AKAP9: variants seen among roughly 807,000 people sequenced by gnomAD.
AKAP9 encodes the protein A-kinase anchoring protein 9.
A neutral mutation model predicts 488.5 loss-of-function variants in AKAP9; 311 were observed. The ratio of observed to expected loss-of-function variants is 0.64; its 90% CI spans 0.58 to 0.70. The LOEUF is 0.70. AKAP9 is among the 30% of genes least tolerant of loss of function. The probability of loss-of-function intolerance (pLI) is 0.00; values close to 1 mark genes in which losing one functional copy is unlikely to be tolerated. For missense variants in AKAP9, 4,215 were observed against 4,374.5 expected (o/e 0.96, Z 1.03); for synonymous variants, 1,462 against 1,483.5 (o/e 0.99, Z 0.33).
intron 1 of AKAP9, among the ~76,000 whole-genome samples, chr7:91,954,463 G>A (rs932121562): frequency 1.6e-4 from 24 of 152,018 alleles, no homozygotes; most frequent in African/African-American, 5.3e-4. Flanking sequence ...TTTTATAGAG[G>A]CAGGGTCTCA....
At chr7:92,077,997 A>C in intron 30 of AKAP9, 122 bp downstream of exon 30, 1 of 649,304 alleles carries the variant, frequency 1.5e-6, no homozygotes, top group Non-Finnish European at 2.3e-6. Flanking sequence ...ATTTTATTTT[A>C]TTTTATTTAT....
At chr7:92,000,360 T>C (rs1432338735) in intron 7 of AKAP9, among the ~76,000 whole-genome samples, 1 of 152,184 alleles carries the variant, frequency 6.6e-6, no homozygotes. Context: ...GGAGTCTGTT[T>C]TTGTTGTTTT....
chr7:91,956,674 G>T (rs1386503264), intron 1 of AKAP9, among the ~76,000 whole-genome samples: 1 of 151,928 alleles, frequency 6.6e-6, no homozygotes, highest in Non-Finnish European at 1.5e-5. Flanking sequence ...CATTAACCCA[G>T]ATTGCTAATA....
chr7:91,989,348 A>C (rs1797491209), intron 3 of AKAP9, among the ~76,000 whole-genome samples: 1 of 152,186 alleles, frequency 6.6e-6, no homozygotes, highest in Admixed American at 6.5e-5. Context: ...GTATCCTATT[A>C]TGTACACTAG....
intron 36 of AKAP9, 42 bp from the exon 37 acceptor site, chr7:92,086,182 AACAT>A (rs1814526010): frequency 1.4e-6 from 2 of 1,481,254 alleles, no homozygotes; most frequent in Non-Finnish European, 1.9e-6. Context: ...ATGTTTTTAA[AACAT>A]GCTTATTTGA....
At chr7:92,036,551 A>G (rs1426962068) in intron 16 of AKAP9, among the ~76,000 whole-genome samples, 1 of 152,160 alleles carries the variant, frequency 6.6e-6, no homozygotes, top group African/African-American at 2.4e-5. Context: ...CTCAGCCATT[A>G]TCTCGTGAAA....
intron 40 of AKAP9, 68 bp downstream of exon 40, chr7:92,095,241 C>T: frequency 6.4e-7 from 1 of 1,571,294 alleles, no homozygotes; most frequent in Non-Finnish European, 8.7e-7. Context: ...TAAGGCTTTC[C>T]TCCATCTAAA....
chr7:92,058,249 G>A (rs1809154521), intron 22 of AKAP9: 1 of 589,406 alleles, frequency 1.7e-6, no homozygotes, highest in Middle Eastern at 2.9e-4. Context: ...ACATTTATGA[G>A]GTTGAATCTC....
At chr7:92,041,060 C>A in intron 18 of AKAP9, 162 bp downstream of exon 18, 1 of 631,476 alleles carries the variant, frequency 1.6e-6, no homozygotes, top group Non-Finnish European at 2.8e-6. Context: ...GCATCAGGAA[C>A]ACACTCTATA....
At chr7:92,032,330 C>G (rs1481415029) in intron 16 of AKAP9, among the ~76,000 whole-genome samples, 1 of 152,090 alleles carries the variant, frequency 6.6e-6, no homozygotes, top group South Asian at 2.1e-4. Flanking sequence ...AACCCTGGCT[C>G]TACTAAAAAT....
chr7:91,965,767 A>G (rs1038780077), intron 1 of AKAP9, among the ~76,000 whole-genome samples: 2 of 152,138 alleles, frequency 1.3e-5, no homozygotes, highest in African/African-American at 2.4e-5. Context: ...TTGATTTGCA[A>G]TTCTCTGATG....
chr7:91,994,583 TA>T lies in AKAP9; in HGVS notation c.577-30del, dbSNP rs558415055. On this transcript the variant is annotated intron_variant, in intron 5 of 49. Transcript: ENST00000356239. ...AAAGTTACCTGTAATAATAGTCAAT[TA>T]AAAAAAATAAATCTAGCACTTACTA... The T allele has an allele frequency of 1.0e-4, 159 of 1,538,790 alleles. No individual in the cohort carries two copies. The African/African-American group carries it at 1.2e-3, about 12-fold the overall frequency.
intron 30 of AKAP9, among the ~76,000 whole-genome samples, chr7:92,078,688 G>A (rs1347799728): frequency 6.6e-6 from 1 of 151,920 alleles, no homozygotes; most frequent in Non-Finnish European, 1.5e-5. Context: ...CTGTGACTTA[G>A]ATTTTATCAT....
At chr7:92,104,100 T>C (rs895543324) in intron 46 of AKAP9, among the ~76,000 whole-genome samples, 6 of 152,144 alleles carry the variant, frequency 3.9e-5, no homozygotes, top group African/African-American at 1.2e-4. Context: ...TCCCCCTCCC[T>C]TTTAGGAGGC....
chr7:92,089,520 C>A lies in AKAP9; in HGVS notation c.9349C>A (p.Pro3117Thr), dbSNP rs769119204. 82 of 1,613,242 alleles carry A rather than the reference C, an allele frequency of 5.1e-5. 2 individuals carry two copies. The Middle Eastern group carries it at 1.0e-3, about 20-fold the overall frequency. ...TLKREQESEK[P>T]SQELLEYNIQ... ...GAAAAGAGAACAAGAGAGTGAGAAA[C>A]CAAGCCAAGGTATGTTGTATGACAA... The change falls in exon 38 of 50, where the codon CCA becomes ACA. Residue 3117 changes from proline to threonine, a missense_variant. Pro to Thr is a conservative substitution (Grantham distance 38). Transcript: ENST00000356239.
rs1191155890 is a variant in AKAP9, at chr7:92,097,765, A to G, written c.10578A>G (p.Leu3526=). 2.5e-6 allele frequency: 4 copies of G among 1,614,078 alleles called. No individual in the cohort carries two copies. The highest frequency in any genetic ancestry group is 3.4e-6 in the Non-Finnish European group (4 of 1,180,026). Reference sequence around the variant, plus strand: ...AGCTTCAATGTGTAGCTTCAAAACTACAGGTTCTACCCCAGAAAGCCTCTG... The same window carrying G: ...AGCTTCAATGTGTAGCTTCAAAACTGCAGGTTCTACCCCAGAAAGCCTCTG... The part of the protein sequence containing the change: ...RQKLQCVASK[L]QVLPQKASER... The change falls in exon 42 of 50, where the codon CTA becomes CTG. Residue 3526 remains leucine (L), a synonymous_variant. Coordinates refer to ENST00000356239, the MANE Select transcript of AKAP9 (RefSeq NM_005751.5).
intron 22 of AKAP9, among the ~76,000 whole-genome samples, chr7:92,056,128 C>T (rs1214575042): frequency 2.0e-5 from 3 of 151,874 alleles, no homozygotes; most frequent in Non-Finnish European, 4.4e-5. Context: ...GCTGTTTGCC[C>T]TATTCTGAAT....
At chr7:92,010,285 A>AGATTG (rs1185149351) in intron 8 of AKAP9, among the ~76,000 whole-genome samples, 1 of 152,246 alleles carries the variant, frequency 6.6e-6, no homozygotes, top group East Asian at 1.9e-4. Flanking sequence ...AAGGGAGTTT[A>AGATTG]TCTAAAGAGC....
chr7:92,078,485 G>A (rs1307143060), intron 30 of AKAP9, among the ~76,000 whole-genome samples: 1 of 151,652 alleles, frequency 6.6e-6, no homozygotes, highest in Non-Finnish European at 1.5e-5. Flanking sequence ...AACTGGACAT[G>A]GTGGCATACC....
Sources: allele counts gnomAD v4.1 joint callset (sites outside exome capture counted in the v4.1 genomes callset), GRCh38; gene constraint gnomAD v4.1.1; transcripts MANE v1.5; gene names NCBI Gene and HGNC (gene_info 2026-07-23, HGNC 2026-07-21).